The following PSD3 variants were observed in gnomAD, a reference collection of about 807,000 sequenced individuals.
PSD3 encodes the protein pleckstrin and Sec7 domain containing 3.
A neutral mutation model predicts 105.5 loss-of-function variants in PSD3; 49 were observed. The observed-to-expected ratio is 0.46, with a 90% confidence interval of 0.37 to 0.59. The LOEUF is 0.59. Ranked by LOEUF, PSD3 falls within the 20% of genes least tolerant of loss-of-function variation. The pLI, the probability that PSD3 is intolerant of heterozygous loss-of-function variation, is 0.00. For missense variants in PSD3, 1,561 were observed against 1,263.8 expected (o/e 1.24, Z -3.57); for synonymous variants, 557 against 457.8 (o/e 1.22, Z -2.77).
intron 14 of PSD3, among the ~76,000 whole-genome samples, chr8:18,562,519 G>A (rs992472265): frequency 2.0e-5 from 3 of 152,096 alleles, no homozygotes; most frequent in Admixed American, 6.6e-5. Flanking sequence ...CACTGCTGCC[G>A]GGTCTCCTCT....
chr8:18,673,627 C>T (rs143940570), intron 9 of PSD3, among the ~76,000 whole-genome samples: 3 of 152,310 alleles, frequency 2.0e-5, no homozygotes, highest in Non-Finnish European at 4.4e-5. Context: ...TCCCCCTCTG[C>T]TCTACTGGAC....
At chr8:18,763,544 G>C (rs562780896) in intron 9 of PSD3, among the ~76,000 whole-genome samples, 1 of 151,742 alleles carries the variant, frequency 6.6e-6, no homozygotes, top group African/African-American at 2.4e-5. Context: ...GCTATTCTAA[G>C]AGAAAGAGAA....
At chr8:18,907,529 T>G (rs981054194) in intron 2 of PSD3, among the ~76,000 whole-genome samples, 1 of 152,206 alleles carries the variant, frequency 6.6e-6, no homozygotes, top group African/African-American at 2.4e-5. Context: ...AGATATGTTT[T>G]GACATACAAA....
At chr8:18,842,148 C>T (rs1404425951) in intron 4 of PSD3, among the ~76,000 whole-genome samples, 5 of 152,182 alleles carry the variant, frequency 3.3e-5, no homozygotes, top group Admixed American at 6.5e-5. Context: ...ATGAGCCTGG[C>T]ATCTGCTGAC....
intron 9 of PSD3, among the ~76,000 whole-genome samples, chr8:18,702,008 C>T (rs545301632): frequency 1.1e-4 from 16 of 152,092 alleles, no homozygotes; most frequent in Non-Finnish European, 2.1e-4. Flanking sequence ...GAAGCAAAAA[C>T]AAAACCCCTT....
chr8:18,556,280 G>T lies in PSD3; in HGVS notation c.2857C>A (p.Pro953Thr). 3.1e-6 allele frequency: 5 copies of T among 1,613,982 alleles called. No homozygotes were observed. The highest frequency in any genetic ancestry group is 1.1e-5 in the South Asian group (1 of 91,072). Residue 953 changes from proline to threonine, a missense_variant, in exon 15 of 16, where the codon CCC (proline) becomes ACC (threonine). Transcript: ENST00000327040. Reference sequence around the variant, plus strand: ...TTGGCTTTGACCTTCTTGTCGGGGGGATATGAGCGGTGCTCGGCCAGCTCG... The same window carrying T: ...TTGGCTTTGACCTTCTTGTCGGGGGTATATGAGCGGTGCTCGGCCAGCTCG... ...TTELAEHRSY[P>T]PDKKVKAKDV...
chr8:18,600,284 G>A (rs1284505448), intron 12 of PSD3, 80 bp downstream of exon 12: 1 of 1,235,868 alleles, frequency 8.1e-7, no homozygotes, highest in Admixed American at 2.2e-5. Context: ...AGATAAGGGA[G>A]ACTACCGTAC....
intron 9 of PSD3, among the ~76,000 whole-genome samples, chr8:18,747,774 A>G (rs1197028364): frequency 6.6e-6 from 1 of 152,120 alleles, no homozygotes; most frequent in South Asian, 2.1e-4. Flanking sequence ...GTATGCAGAG[A>G]GCAACTCCAA....
At chr8:18,908,307 T>G (rs1357592870) in intron 2 of PSD3, among the ~76,000 whole-genome samples, 1 of 152,208 alleles carries the variant, frequency 6.6e-6, no homozygotes, top group African/African-American at 2.4e-5. Flanking sequence ...CACCATTTTT[T>G]GGATTAATAT....
chr8:18,700,225 T>C (rs1801501193), intron 9 of PSD3, among the ~76,000 whole-genome samples: 1 of 152,200 alleles, frequency 6.6e-6, no homozygotes, highest in African/African-American at 2.4e-5. Context: ...CAACTTTCCC[T>C]GTTTCCCTTT....
At chr8:19,069,434 C>A (rs953941939) in intron 1 of PSD3, among the ~76,000 whole-genome samples, 1 of 152,182 alleles carries the variant, frequency 6.6e-6, no homozygotes, top group Non-Finnish European at 1.5e-5. Flanking sequence ...GTCAACTAGA[C>A]TCCCTAAAAG....
chr8:18,793,712 G>A (rs1586017771), intron 8 of PSD3, among the ~76,000 whole-genome samples: 1 of 152,290 alleles, frequency 6.6e-6, no homozygotes, highest in South Asian at 2.1e-4. Flanking sequence ...ACCTTTCAAG[G>A]CAGAGGGCAT....
intron 10 of PSD3, among the ~76,000 whole-genome samples, chr8:18,633,537 C>T (rs558081726): frequency 1.4e-4 from 21 of 152,136 alleles, no homozygotes; most frequent in South Asian, 1.0e-3. Context: ...TGTATTAATT[C>T]GCTTAGAATA....
chr8:18,706,900 T>A (rs1162701011), intron 9 of PSD3, among the ~76,000 whole-genome samples: 2 of 152,196 alleles, frequency 1.3e-5, no homozygotes, highest in African/African-American at 4.8e-5. Flanking sequence ...CAGCATTTAT[T>A]TAAATTAATA....
At chr8:18,606,551 T>C (rs1804847824) in intron 11 of PSD3, among the ~76,000 whole-genome samples, 2 of 152,208 alleles carry the variant, frequency 1.3e-5, no homozygotes, top group Admixed American at 6.5e-5. Flanking sequence ...AGATTCTCTA[T>C]TGCATTTTTC....
At chr8:18,590,816 A>G (rs1358223016) in intron 12 of PSD3, among the ~76,000 whole-genome samples, 1 of 152,230 alleles carries the variant, frequency 6.6e-6, no homozygotes, top group African/African-American at 2.4e-5. Context: ...AAACAAAACC[A>G]TAATTACATA....
intron 1 of PSD3, among the ~76,000 whole-genome samples, chr8:18,976,821 A>C (rs749648860): frequency 6.6e-6 from 1 of 152,208 alleles, no homozygotes; most frequent in Non-Finnish European, 1.5e-5. Flanking sequence ...CATTGCTTGT[A>C]ATTGCAAATA....
At chr8:18,960,246 T>C (rs950590867) in intron 1 of PSD3, among the ~76,000 whole-genome samples, 2 of 152,210 alleles carry the variant, frequency 1.3e-5, no homozygotes, top group Non-Finnish European at 2.9e-5. Flanking sequence ...AAATTATGAA[T>C]GTCAGAATGC....
chr8:18,750,900 G>T (rs543929444), intron 9 of PSD3, among the ~76,000 whole-genome samples: 69 of 152,176 alleles, frequency 4.5e-4, no homozygotes, highest in Admixed American at 2.8e-3. Context: ...ACAGAGTGCC[G>T]ACTGGTGTAT....
Sources: allele counts gnomAD v4.1 joint callset (sites outside exome capture counted in the v4.1 genomes callset), GRCh38; gene constraint gnomAD v4.1.1; transcripts MANE v1.5; gene names NCBI Gene and HGNC (gene_info 2026-07-23, HGNC 2026-07-21).